N4BP2: variants seen among roughly 807,000 people sequenced by gnomAD.
The protein encoded by N4BP2 is NEDD4-binding protein 2.
Under a neutral mutation model 152.8 loss-of-function variants are expected in N4BP2, and 91 were observed. That is an observed-to-expected ratio of 0.60 (90% CI 0.50 to 0.71). N4BP2 has a LOEUF of 0.71. Among genes scored for constraint, N4BP2 ranks in the 30% least tolerant of loss-of-function variants. The pLI is 0.00. For missense variants in N4BP2, 1,923 were observed against 2,059.1 expected (o/e 0.93, Z 1.28); for synonymous variants, 646 against 705.3 (o/e 0.92, Z 1.33).
intron 3 of N4BP2, 81 bp downstream of exon 3, chr4:40,097,650 A>C: frequency 1.3e-6 from 1 of 790,536 alleles, no homozygotes; most frequent in Non-Finnish European, 2.0e-6. Context: ...GTAATATAGA[A>C]AAATGTCTTG....
At chr4:40,139,872 T>G (rs1719756237) in intron 14 of N4BP2, among the ~76,000 whole-genome samples, 1 of 148,926 alleles carries the variant, frequency 6.7e-6, no homozygotes, top group Non-Finnish European at 1.5e-5. Context: ...TTGCTCAGGC[T>G]GGAGTGCAGT....
the N4BP2 span, among the ~76,000 whole-genome samples, chr4:40,186,671 A>G: frequency 6.6e-6 from 1 of 152,210 alleles, no homozygotes; most frequent in Non-Finnish European, 1.5e-5. Context: ...TTCACTTAAC[A>G]GTATATTGTG....
rs182900096 is a variant in N4BP2, at chr4:40,121,100, G to A, written c.2989G>A (p.Glu997Lys). ...SGVVEPQTLA[E>K]CQEQMPKRDP... Reference sequence around the variant, plus strand: ...AGTAGTAGAACCACAAACGTTAGCTGAATGTCAAGAGCAAATGCCTAAGAG... The same window carrying A: ...AGTAGTAGAACCACAAACGTTAGCTAAATGTCAAGAGCAAATGCCTAAGAG... The change falls in exon 9 of 18, where the codon GAA becomes AAA. Residue 997 changes from glutamate (E) to lysine (K), a missense_variant. By Grantham distance (56) the Glu-to-Lys change is moderately conservative. Coordinates refer to ENST00000261435, the MANE Select transcript of N4BP2 (RefSeq NM_018177.6). 2 of 1,614,094 alleles carry A rather than the reference G, an allele frequency of 1.2e-6. No individual in the cohort carries two copies. Among genetic ancestry groups the A allele is most frequent in the East Asian group, 4.5e-5 (2 of 44,874 alleles).
At chr4:40,146,448 A>T (rs1720527919) in intron 16 of N4BP2, among the ~76,000 whole-genome samples, 1 of 152,182 alleles carries the variant, frequency 6.6e-6, no homozygotes, top group Non-Finnish European at 1.5e-5. Context: ...TTGGCCAAGA[A>T]TTGAGCCAGT....
intron 13 of N4BP2, among the ~76,000 whole-genome samples, chr4:40,132,662 A>G (rs1210662090): frequency 1.3e-5 from 2 of 152,304 alleles, no homozygotes; most frequent in East Asian, 3.9e-4. Flanking sequence ...TTTGAAAAAT[A>G]CATACTTTTG....
At chr4:40,145,799 G>A (rs1720458384) in intron 16 of N4BP2, among the ~76,000 whole-genome samples, 2 of 151,940 alleles carry the variant, frequency 1.3e-5, no homozygotes, top group Admixed American at 1.3e-4. Flanking sequence ...TGTCTAGTGG[G>A]GTATACCATC....
At chr4:40,077,904 T>C (rs1247382206) in intron 2 of N4BP2, 2 of 152,130 alleles carry the variant, frequency 1.3e-5, no homozygotes, top group East Asian at 3.8e-4. Context: ...TTTCCTAAAA[T>C]TGGAATGATA....
chr4:40,120,795 A>T lies in N4BP2; in HGVS notation c.2684A>T (p.Glu895Val). ...TCATCTGATTCTTTAGCTCAGAGGGAACACAGATCAAGAATGCCAAAGACT... is the reference window on the plus strand; with the variant it reads ...TCATCTGATTCTTTAGCTCAGAGGGTACACAGATCAAGAATGCCAAAGACT... ...WPSSDSLAQREHRSRMPKTGL... is the reference protein window; with the variant it reads ...WPSSDSLAQRVHRSRMPKTGL... The change falls in exon 9 of 18, where the codon GAA (glutamate) becomes GTA (valine). Residue 895 changes from glutamate to valine, a missense_variant. Coordinates refer to ENST00000261435, the MANE Select transcript of N4BP2 (RefSeq NM_018177.6). The T allele has an allele frequency of 6.2e-7, 1 of 1,614,182 alleles. No homozygotes were observed.
Position 40,102,682 on chromosome 4 carries a change from C to A in N4BP2, c.837C>A (p.Phe279Leu), listed in dbSNP as rs199987279. The A allele has an allele frequency of 6.2e-7, 1 of 1,614,186 alleles. No homozygotes were observed. The highest frequency in any genetic ancestry group is 8.5e-7 in the Non-Finnish European group (1 of 1,180,044). The part of the protein sequence containing the change: ...LLESECVEAQ[F>L]SEAPVDLDAS... The stretch of plus-strand genomic sequence containing the variant: ...AATCTGAGTGCGTTGAGGCTCAATT[C>A]TCTGAAGCTCCTGTAGATTTGGATG... The change falls in exon 4 of 18, where the codon TTC becomes TTA. Residue 279 changes from phenylalanine to leucine, a missense_variant. By Grantham distance (22) the Phe-to-Leu change is conservative (BLOSUM62 0). Transcript: ENST00000261435.
the N4BP2 span, among the ~76,000 whole-genome samples, chr4:40,169,218 A>G: frequency 2.6e-5 from 4 of 151,946 alleles, no homozygotes; most frequent in East Asian, 7.9e-4. Flanking sequence ...CCCCGCCTTT[A>G]CTAAAAATAC....
the N4BP2 span, among the ~76,000 whole-genome samples, chr4:40,178,370 T>C: frequency 4.0e-5 from 6 of 151,720 alleles, no homozygotes; most frequent in Non-Finnish European, 8.8e-5. Flanking sequence ...CTTTAAGATA[T>C]ATAAATGTTG....
intron 13 of N4BP2, 83 bp from the exon 14 acceptor site, chr4:40,136,861 A>G: frequency 1.0e-6 from 1 of 985,882 alleles, no homozygotes. Flanking sequence ...TTCTTGTAAG[A>G]TGTTTGAAGA....
intron 1 of N4BP2, among the ~76,000 whole-genome samples, chr4:40,071,042 GT>G (rs551971486): frequency 2.7e-5 from 4 of 147,598 alleles, no homozygotes; most frequent in East Asian, 2.0e-4. Context: ...CCAGGCTGGT[GT>G]TTTTTTTTTA....
At chr4:40,077,299 C>T (rs1712847553) in intron 2 of N4BP2, among the ~76,000 whole-genome samples, 1 of 150,550 alleles carries the variant, frequency 6.6e-6, no homozygotes, top group Non-Finnish European at 1.5e-5. Context: ...AGGTGTGTAC[C>T]ACCATGCCTG....
At chr4:40,066,162 C>G (rs1213224535) in intron 1 of N4BP2, among the ~76,000 whole-genome samples, 1 of 151,858 alleles carries the variant, frequency 6.6e-6, no homozygotes, top group Non-Finnish European at 1.5e-5. Flanking sequence ...ATCCCTTGAC[C>G]TTGTGATCCA....
chr4:40,144,607 C>A (rs1239250701), intron 15 of N4BP2, 25 bp from the exon 16 acceptor site: 11 of 1,567,400 alleles, frequency 7.0e-6, no homozygotes, highest in South Asian at 1.2e-5. Flanking sequence ...CAAAACTGTC[C>A]CTTGGTGATA....
chr4:40,185,643 TA>T, the N4BP2 span, among the ~76,000 whole-genome samples: 3 of 152,188 alleles, frequency 2.0e-5, no homozygotes, highest in African/African-American at 7.2e-5. Context: ...TTTTACTTTT[TA>T]AAAGGTTTAT....
rs1243063700 is a variant in N4BP2 at position 40,158,154 on chromosome 4, A to G, written c.*3917A>G. ...AATGTAATTTTGCTGTTAACTCTGT[A>G]CTTTTTAAATTGAAAATGTTTTATA... On this transcript the variant is annotated 3_prime_UTR_variant, in exon 18 of 18. Transcript: ENST00000261435. 1.3e-5 allele frequency: 2 copies of G among 152,184 alleles called. No homozygotes were observed. The allele number at this position is 152,184 out of a possible 1,614,324, so 9.4% of individuals were successfully genotyped here.
intron 2 of N4BP2, among the ~76,000 whole-genome samples, chr4:40,074,835 C>T (rs1405772276): frequency 2.0e-5 from 3 of 151,938 alleles, no homozygotes; most frequent in East Asian, 2.0e-4. Flanking sequence ...GGCAAAACTC[C>T]GTCTCCACTA....
Sources: gnomAD v4.1 joint callset for allele counts (sites outside exome capture counted in the v4.1 genomes callset) on GRCh38, gnomAD v4.1.1 for gene constraint, MANE v1.5 for transcripts, NCBI Gene and HGNC (gene_info 2026-07-23, HGNC 2026-07-21) for gene names.